Variants in PPP1R7 observed in about 807,000 individuals in gnomAD.
PPP1R7 encodes the protein protein phosphatase 1 regulatory subunit 22.
In PPP1R7, 18 loss-of-function variants were observed where a neutral mutation model predicts 45.2. The ratio of observed to expected loss-of-function variants is 0.40; its 90% CI spans 0.28 to 0.59. The LOEUF (loss-of-function observed/expected upper bound fraction) is 0.59, where lower values mean the gene tolerates loss of function less well. Ranked by LOEUF, PPP1R7 falls within the 20% of genes least tolerant of loss-of-function variation. The probability of loss-of-function intolerance (pLI) is 0.46; values close to 1 mark genes in which losing one functional copy is unlikely to be tolerated. For missense variants in PPP1R7, 314 were observed against 455.8 expected (o/e 0.69, Z 2.83); for synonymous variants, 181 against 183.4 (o/e 0.99, Z 0.11).
At chr2:241,157,149 A>G (rs2067478965) in intron 2 of PPP1R7, among the ~76,000 whole-genome samples, 1 of 152,180 alleles carries the variant, frequency 6.6e-6, no homozygotes, top group Non-Finnish European at 1.5e-5. Flanking sequence ...GTGAAATCCA[A>G]TGGGCTTCTC....
chr2:241,150,305 C>A, upstream of PPP1R7: 2 of 1,336,698 alleles, frequency 1.5e-6, no homozygotes, highest in Non-Finnish European at 1.9e-6. Context: ...AAATTACCTG[C>A]TCTGGGGGAG....
chr2:241,150,081 G>A, upstream of PPP1R7: 1 of 1,273,056 alleles, frequency 7.9e-7, no homozygotes, highest in South Asian at 2.1e-5. Flanking sequence ...CCCGCACCTT[G>A]CAGCCACGGA....
At position 241,173,269 on chromosome 2, in the gene PPP1R7, C is replaced by CAAAAAA. The variant is rs540011262; in HGVS notation, c.906+3421_906+3426dup. On this transcript the variant is annotated intron_variant, in intron 9 of 9. Transcript: ENST00000234038. ...CTTGGGCAACAGAGCAAGACTTTCT[C>CAAAAAA]AAAAAAAAAAAAAAAAAAAAAAAAG... Among the ~76,000 whole-genome samples, 14 of 90,682 alleles carry CAAAAAA rather than the reference C, an allele frequency of 1.5e-4. No individual in the cohort carries two copies. The East Asian group carries it at 3.7e-3, about 24-fold the overall frequency. 59.5% of individuals were successfully genotyped at this position (90,682 alleles called of 152,430 possible).
At chr2:241,170,370 A>G (rs896778611) in intron 9 of PPP1R7, among the ~76,000 whole-genome samples, 2 of 152,216 alleles carry the variant, frequency 1.3e-5, no homozygotes, top group Non-Finnish European at 2.9e-5. Context: ...TGTCACAGGT[A>G]TGGTTTCAGG....
chr2:241,150,517 G>A lies in PPP1R7; in HGVS notation c.22G>A (p.Gly8Arg). 3.1e-6 allele frequency: 5 copies of A among 1,599,008 alleles called. No individual in the cohort carries two copies. Among genetic ancestry groups the A allele is most frequent in the Non-Finnish European group, 4.3e-6 (5 of 1,174,094 alleles). MAAERGA[G>R]QQQSQEMMEV... is the part of the protein sequence containing the mutation. ...CAACATGGCGGCGGAACGCGGCGCG[G>A]GGCAGCAACAGTCGCAGGAGATGAT... The change falls in exon 1 of 10, where the codon GGG becomes AGG. Residue 8 changes from glycine to arginine, a missense_variant. This residue lies in a region of PPP1R7 where 34 missense variants were observed against 26.0 expected (regional missense o/e 1.31). Transcript: ENST00000234038.
intron 2 of PPP1R7, 142 bp downstream of exon 2, chr2:241,153,746 C>T (rs2067376826): frequency 9.6e-7 from 1 of 1,044,968 alleles, no homozygotes; most frequent in South Asian, 1.7e-5. Flanking sequence ...TGGCCCAGGG[C>T]AGGTGGATAT....
Position 241,150,490 on chromosome 2 carries a change from G to A in PPP1R7, c.-6G>A. On this transcript the variant is annotated 5_prime_UTR_variant, in exon 1 of 10. Coordinates refer to ENST00000234038, the MANE Select transcript of PPP1R7 (RefSeq NM_002712.3). ...ACAGATTCCGGAAAGGGGAAGAGCA[G>A]CCAACATGGCGGCGGAACGCGGCGC... The A allele has an allele frequency of 6.3e-7, 1 of 1,597,270 alleles. No homozygotes were observed. The highest frequency in any genetic ancestry group is 8.5e-7 in the Non-Finnish European group (1 of 1,173,088).
intron 6 of PPP1R7, 60 bp downstream of exon 6, chr2:241,160,554 G>T: frequency 7.0e-7 from 1 of 1,422,948 alleles, no homozygotes; most frequent in Non-Finnish European, 9.5e-7. Context: ...GGCTGTGTGT[G>T]GACTCAGTGG....
rs16843418 is a variant in PPP1R7, at chr2:241,179,149, G to A, written c.907-3498G>A. Among the ~76,000 whole-genome samples, 6,366 of 152,246 alleles carry A rather than the reference G, an allele frequency of 0.042. 709 individuals carry two copies. In the East Asian group the frequency reaches 0.46, roughly 11 times the overall value. On this transcript the variant is annotated intron_variant, in intron 9 of 9. Coordinates refer to ENST00000234038, the MANE Select transcript of PPP1R7 (RefSeq NM_002712.3). ...CTGCCAGGAAAACGTCAGCCAAGAA[G>A]ATGTTCTCTAGCAGAATCCCAGCCG...
intron 1 of PPP1R7, among the ~76,000 whole-genome samples, chr2:241,151,992 G>A (rs1272508868): frequency 6.6e-6 from 1 of 152,152 alleles, no homozygotes; most frequent in Non-Finnish European, 1.5e-5. Flanking sequence ...GCCAACCTTC[G>A]TTAGCTAAGC....
chr2:241,169,792 G>T lies in PPP1R7; in HGVS notation c.831G>T (p.Thr277=), dbSNP rs978224836. ...IEGLENNNKL[T]MLDIASNRIK... Reference sequence around the variant, plus strand: ...TTTCCTTCTTTTAGAACAAACTCACGATGTTGGACATTGCATCAAATAGAA... The same window carrying T: ...TTTCCTTCTTTTAGAACAAACTCACTATGTTGGACATTGCATCAAATAGAA... The change falls in exon 9 of 10, where the codon ACG becomes ACT. Residue 277 remains threonine, a synonymous_variant. Coordinates refer to ENST00000234038, the MANE Select transcript of PPP1R7 (RefSeq NM_002712.3). The T allele has an allele frequency of 1.9e-6, 3 of 1,609,370 alleles. No individual in the cohort carries two copies. Among genetic ancestry groups the T allele is most frequent in the African/African-American group, 1.3e-5 (1 of 74,920 alleles).
At chr2:241,173,006 A>T (rs899232596) in intron 9 of PPP1R7, among the ~76,000 whole-genome samples, 1 of 151,656 alleles carries the variant, frequency 6.6e-6, no homozygotes, top group Non-Finnish European at 1.5e-5. Context: ...ATAAATAGAG[A>T]TGGGGCCAGA....
chr2:241,183,236 T>C lies in PPP1R7; in HGVS notation c.*413T>C, dbSNP rs2068039519. 5.2e-6 allele frequency: 2 copies of C among 385,604 alleles called. No homozygotes were observed. Among genetic ancestry groups the C allele is most frequent in the Admixed American group, 3.5e-5 (1 of 28,306 alleles). The allele number at this position is 385,604 out of a possible 1,614,324, so 23.9% of individuals were successfully genotyped here. A position where few individuals can be genotyped will look rare whatever the true frequency, so the allele number is the denominator to read the frequency against. On this transcript the variant is annotated 3_prime_UTR_variant, in exon 10 of 10. Coordinates refer to ENST00000234038, the MANE Select transcript of PPP1R7 (RefSeq NM_002712.3). Reference sequence around the variant, plus strand: ...CTGGCCTAGCTGGCCCTAGTCCTGGTGTGCAGGGTTCAGGCAGTCTTGACC... The same window carrying C: ...CTGGCCTAGCTGGCCCTAGTCCTGGCGTGCAGGGTTCAGGCAGTCTTGACC...
intron 9 of PPP1R7, among the ~76,000 whole-genome samples, chr2:241,181,665 G>A (rs1028579009): frequency 1.3e-5 from 2 of 152,106 alleles, no homozygotes; most frequent in East Asian, 1.9e-4. Context: ...AGAGTAGAAC[G>A]CCCCTGCTTG....
At chr2:241,161,863 G>C (rs920077934) in intron 6 of PPP1R7, among the ~76,000 whole-genome samples, 1 of 152,358 alleles carries the variant, frequency 6.6e-6, no homozygotes, top group South Asian at 2.1e-4. Context: ...CTCCTAATCA[G>C]GGTCATGGCA....
chr2:241,153,893 CATT>C (rs914772180), intron 2 of PPP1R7, among the ~76,000 whole-genome samples: 5 of 152,088 alleles, frequency 3.3e-5, no homozygotes, highest in Admixed American at 6.6e-5. Context: ...AGAACCATGA[CATT>C]GTTGGCCAGA....
chr2:241,168,443 C>G (rs981841753), intron 8 of PPP1R7, among the ~76,000 whole-genome samples: 5 of 152,200 alleles, frequency 3.3e-5, no homozygotes, highest in African/African-American at 1.2e-4. Context: ...CGGGGGAGAG[C>G]TGCCGTCCGT....
At chr2:241,156,491 C>T (rs886944578) in intron 2 of PPP1R7, among the ~76,000 whole-genome samples, 14 of 152,076 alleles carry the variant, frequency 9.2e-5, no homozygotes, top group African/African-American at 3.4e-4. Flanking sequence ...GGCAACATAG[C>T]GAGACCCTGA....
rs1479013442 is a variant in PPP1R7 at position 241,166,982 on chromosome 2, G to A, written c.819+541G>A. 3 of 1,467,862 alleles carry A rather than the reference G, an allele frequency of 2.0e-6. No individual in the cohort carries two copies. The African/African-American group carries it at 4.2e-5, about 20-fold the overall frequency. 90.9% of individuals were successfully genotyped at this position (1,467,862 alleles called of 1,614,324 possible). On this transcript the variant is annotated intron_variant, in intron 8 of 9. Transcript: ENST00000234038. ...CCTCCTCCCCCATTCCTCCCTGCCT[G>A]CTTTCCACACCTGTCCTCACCTGTT...
Sources: allele counts gnomAD v4.1 joint callset (sites outside exome capture counted in the v4.1 genomes callset), GRCh38; gene constraint gnomAD v4.1.1; regional missense constraint gnomAD v4.1.1; transcripts MANE v1.5; gene names NCBI Gene and HGNC (gene_info 2026-07-23, HGNC 2026-07-21).